The following HIPK2 variants were observed in gnomAD, a reference collection of about 807,000 sequenced individuals.
HIPK2 encodes homeodomain interacting protein kinase 2, also known as homeodomain-interacting protein kinase 2.
HIPK2 carries 27 observed loss-of-function variants against 113.7 expected under a neutral mutation model. The observed-to-expected ratio is 0.24, with a 90% CI of 0.17 to 0.33. The LOEUF is 0.33. Ranked by LOEUF, HIPK2 falls within the 10% of genes least tolerant of loss-of-function variation. HIPK2 has a pLI of 1.00. For synonymous variants in HIPK2, 631 were observed against 642.2 expected (o/e 0.98, Z 0.26); for missense variants, 1,257 against 1,588.0 (o/e 0.79, Z 3.54).
Position 139,613,201 on chromosome 7 carries a change from C to T in HIPK2, c.2112+1G>A. ...AGTAATAATAAAGGAGAAAGAATTACCTGGGCAAGCAGACCTGGTTGGATC... is the reference window on the plus strand; with the variant it reads ...AGTAATAATAAAGGAGAAAGAATTATCTGGGCAAGCAGACCTGGTTGGATC... On this transcript the variant is annotated splice_donor_variant, in intron 9 of 14. Transcript: ENST00000406875. LOFTEE classifies it high-confidence loss of function. This position sits in a 1 kb window ranked among gnomAD's most constrained non-coding sequence, Gnocchi z 4.2. The T allele has an allele frequency of 6.2e-7, 1 of 1,613,588 alleles. No individual in the cohort carries two copies. Among genetic ancestry groups the T allele is most frequent in the East Asian group, 2.2e-5 (1 of 44,874 alleles).
At chr7:139,657,259 C>T (rs1443569431) in intron 2 of HIPK2, among the ~76,000 whole-genome samples, 1 of 152,220 alleles carries the variant, frequency 6.6e-6, no homozygotes, top group African/African-American at 2.4e-5. Flanking sequence ...TGCACTGTGT[C>T]CACCTTGCAC....
chr7:139,566,843 G>C lies in HIPK2; in HGVS notation c.*6084C>G, dbSNP rs1798105193. On this transcript the variant is annotated 3_prime_UTR_variant, in exon 15 of 15. Coordinates refer to ENST00000406875, the MANE Select transcript of HIPK2 (RefSeq NM_022740.5). This position sits in a 1 kb window ranked among gnomAD's most constrained non-coding sequence, Gnocchi z 4.1. ...TCAACACAGGGATCTGAGATGAGGG[G>C]CTCCCAGAGGCTTGGGCAAGTCCAG... is the stretch of plus-strand genomic sequence containing the variant. 6.6e-6 allele frequency: 1 copy of C among 152,228 alleles called. No individual in the cohort carries two copies. The highest frequency in any genetic ancestry group is 2.4e-5 in the African/African-American group (1 of 41,458). 9.4% of individuals were successfully genotyped at this position (152,228 alleles called of 1,614,324 possible).
intron 1 of HIPK2, among the ~76,000 whole-genome samples, chr7:139,775,726 G>C (rs1009815942): frequency 5.9e-5 from 9 of 152,158 alleles, no homozygotes; most frequent in African/African-American, 2.2e-4. Flanking sequence ...CTGGCGTAAG[G>C]AACTGGAAGA....
intron 7 of HIPK2, among the ~76,000 whole-genome samples, chr7:139,615,814 T>A (rs970463749): frequency 6.6e-6 from 1 of 152,278 alleles, no homozygotes; most frequent in Non-Finnish European, 1.5e-5. Flanking sequence ...CAAAGCAAAT[T>A]GATTTGTTTG....
At chr7:139,696,049 G>C (rs1028960273) in intron 2 of HIPK2, among the ~76,000 whole-genome samples, 3 of 152,184 alleles carry the variant, frequency 2.0e-5, no homozygotes, top group Non-Finnish European at 2.9e-5. Context: ...TGGCCAGAGG[G>C]AGAAAAAGTG....
chr7:139,690,472 G>A (rs1029127903), intron 2 of HIPK2, among the ~76,000 whole-genome samples: 20 of 152,164 alleles, frequency 1.3e-4, no homozygotes, highest in Non-Finnish European at 2.4e-4. Context: ...CCTCATGAAC[G>A]GCTTAGTGTT....
intron 1 of HIPK2, among the ~76,000 whole-genome samples, chr7:139,765,798 T>C (rs888781533): frequency 6.6e-6 from 1 of 152,182 alleles, no homozygotes. Flanking sequence ...ACCTGAAATC[T>C]GCCTCCCCCC....
chr7:139,668,996 C>T (rs1351311860), intron 2 of HIPK2, among the ~76,000 whole-genome samples: 1 of 152,228 alleles, frequency 6.6e-6, no homozygotes, highest in Admixed American at 6.5e-5. Flanking sequence ...TCACTTTAAC[C>T]TGTGCCTTAT....
intron 5 of HIPK2, 150 bp from the exon 6 acceptor site, chr7:139,626,935 C>A: frequency 2.5e-6 from 2 of 791,760 alleles, no homozygotes; most frequent in Non-Finnish European, 4.1e-6. Context: ...GGAGGCACCA[C>A]CCACATGTTG....
intron 12 of HIPK2, among the ~76,000 whole-genome samples, chr7:139,589,103 C>A (rs528732835): frequency 6.6e-6 from 1 of 152,186 alleles, no homozygotes; most frequent in Non-Finnish European, 1.5e-5. Context: ...GCACTGCAGT[C>A]CTAGCTCTGC....
At chr7:139,668,554 G>C (rs868278715) in intron 2 of HIPK2, among the ~76,000 whole-genome samples, 1 of 145,026 alleles carries the variant, frequency 6.9e-6, no homozygotes, top group Non-Finnish European at 1.5e-5. Context: ...CTGGGTGACA[G>C]AGCAAGGCTC....
At chr7:139,691,887 A>T (rs978293781) in intron 2 of HIPK2, among the ~76,000 whole-genome samples, 4 of 152,124 alleles carry the variant, frequency 2.6e-5, no homozygotes, top group Admixed American at 6.5e-5. Context: ...TACATTAAAA[A>T]CCGTGGCCTA....
chr7:139,584,836 G>A (rs1240035746), intron 12 of HIPK2, among the ~76,000 whole-genome samples: 2 of 152,220 alleles, frequency 1.3e-5, no homozygotes, highest in African/African-American at 4.8e-5. Context: ...CCCCTGCCAG[G>A]TTGATGCTGT....
chr7:139,642,940 G>A (rs1000501244), intron 2 of HIPK2, among the ~76,000 whole-genome samples: 3 of 152,084 alleles, frequency 2.0e-5, no homozygotes, highest in African/African-American at 7.2e-5. Context: ...AGGGAACAGG[G>A]TTCCAACTCC....
intron 7 of HIPK2, among the ~76,000 whole-genome samples, chr7:139,616,228 G>A (rs188563106): frequency 1.3e-4 from 20 of 152,264 alleles, no homozygotes; most frequent in Admixed American, 4.6e-4. Context: ...ACTCTTTTCA[G>A]TTGTGACTTC....
Position 139,599,213 on chromosome 7 carries a change from T to C in HIPK2, c.2435+1204A>G, listed in dbSNP as rs1471626640. 2.0e-5 allele frequency among the ~76,000 whole-genome samples: 3 copies of C among 152,216 alleles called. No homozygotes were observed. The East Asian group carries it at 5.8e-4, about 29-fold the overall frequency. On this transcript the variant is annotated intron_variant, in intron 11 of 14. Coordinates refer to ENST00000406875, the MANE Select transcript of HIPK2 (RefSeq NM_022740.5). ...CAATCCTGTAGTCACACGATCTCTCTCTCTCTCTCTGGCTTGGAAATCTCC... is the reference window on the plus strand; with the variant it reads ...CAATCCTGTAGTCACACGATCTCTCCCTCTCTCTCTGGCTTGGAAATCTCC...
chr7:139,770,843 T>A (rs1796637740), intron 1 of HIPK2, among the ~76,000 whole-genome samples: 1 of 152,222 alleles, frequency 6.6e-6, no homozygotes, highest in Non-Finnish European at 1.5e-5. Flanking sequence ...CAGACTACTG[T>A]CAAAAACATT....
At chr7:139,740,937 A>C (rs1796082641) in intron 1 of HIPK2, among the ~76,000 whole-genome samples, 2 of 152,220 alleles carry the variant, frequency 1.3e-5, no homozygotes, top group African/African-American at 2.4e-5. Flanking sequence ...ACTTGAGGTC[A>C]GGAGTTCAAG....
At chr7:139,590,734 T>G (rs2116608551) in intron 12 of HIPK2, among the ~76,000 whole-genome samples, 1 of 152,304 alleles carries the variant, frequency 6.6e-6, no homozygotes, top group Admixed American at 6.5e-5. Context: ...ACGCTGGTAA[T>G]TCCAGTGTGC....
Sources: allele counts gnomAD v4.1 joint callset (sites outside exome capture counted in the v4.1 genomes callset), GRCh38; gene constraint gnomAD v4.1.1; non-coding constraint Gnocchi (gnomAD v3.1); transcripts MANE v1.5; gene names NCBI Gene and HGNC (gene_info 2026-07-23, HGNC 2026-07-21).